The following ARIH1 variants were observed in gnomAD, a reference collection of about 807,000 sequenced individuals.
ARIH1 encodes the protein ariadne RBR E3 ubiquitin protein ligase 1.
A neutral mutation model predicts 85.0 loss-of-function variants in ARIH1; 8 were observed. The ratio of observed to expected loss-of-function variants is 0.09; its 90% CI spans 0.06 to 0.17. The LOEUF (loss-of-function observed/expected upper bound fraction) is 0.17. ARIH1 is among the 10% of genes least tolerant of loss of function. The probability of loss-of-function intolerance (pLI) is 1.00; values close to 1 mark genes in which losing one functional copy is unlikely to be tolerated. For missense variants in ARIH1, 311 were observed against 718.1 expected (o/e 0.43, Z 6.48); for synonymous variants, 238 against 253.6 (o/e 0.94, Z 0.59).
At chr15:72,513,144 T>G (rs2063957571) in intron 1 of ARIH1, among the ~76,000 whole-genome samples, 1 of 152,210 alleles carries the variant, frequency 6.6e-6, no homozygotes, top group South Asian at 2.1e-4. Flanking sequence ...TGGTTTGTTT[T>G]GAACATTTAC....
At chr15:72,527,181 T>G (rs1272686738) in intron 2 of ARIH1, among the ~76,000 whole-genome samples, 1 of 152,214 alleles carries the variant, frequency 6.6e-6, no homozygotes, top group Non-Finnish European at 1.5e-5. Flanking sequence ...CATTAAAGAT[T>G]GAGAATCTTA....
intron 1 of ARIH1, among the ~76,000 whole-genome samples, chr15:72,476,458 G>A (rs1249869685): frequency 6.6e-6 from 1 of 152,114 alleles, no homozygotes; most frequent in East Asian, 1.9e-4. Flanking sequence ...TCCGCCTGCC[G>A]GGTTCATGCA....
chr15:72,544,761 G>T, intron 2 of ARIH1, 59 bp from the exon 3 acceptor site: 4 of 1,419,966 alleles, frequency 2.8e-6, no homozygotes, highest in South Asian at 1.6e-5. Context: ...CAGGTTTTTG[G>T]AGAGCTCTAA....
Position 72,561,559 on chromosome 15 carries a change from T to A in ARIH1, c.804+10T>A. The A allele has an allele frequency of 1.3e-6, 2 of 1,484,042 alleles. No individual in the cohort carries two copies. Among genetic ancestry groups the A allele is most frequent in the East Asian group, 2.3e-5 (1 of 43,232 alleles). The allele number at this position is 1,484,042 out of a possible 1,614,324, so 91.9% of individuals were successfully genotyped here. ...AAATAGCTTTGTAGAGGTAAGTGAT[T>A]TGTTTTCCTTCTTGTAAGAAGGAAT... On this transcript the variant is annotated intron_variant, in intron 6 of 13. Coordinates refer to ENST00000379887, the MANE Select transcript of ARIH1 (RefSeq NM_005744.5).
At position 72,597,089 on chromosome 15, in the gene ARIH1, A is replaced by G. The variant is rs1464977771; in HGVS notation, c.*13797A>G. 6.6e-6 allele frequency: 1 copy of G among 150,468 alleles called. No homozygotes were observed. Among genetic ancestry groups the G allele is most frequent in the Non-Finnish European group, 1.5e-5 (1 of 67,736 alleles). 9.3% of individuals were successfully genotyped at this position (150,468 alleles called of 1,614,324 possible). ...TGCTTTTGCACGTCTTGTATATTTG[A>G]TTGGATGATGGACGTTTTATGTTGA... On this transcript the variant is annotated 3_prime_UTR_variant, in exon 14 of 14. Transcript: ENST00000379887.
chr15:72,475,635 C>T (rs1268312039), intron 1 of ARIH1, among the ~76,000 whole-genome samples: 1 of 152,148 alleles, frequency 6.6e-6, no homozygotes, highest in East Asian at 1.9e-4. Context: ...TATGTCTTTG[C>T]TGTTTGGGAC....
At chr15:72,580,298 C>T (rs1309801292) in intron 11 of ARIH1, among the ~76,000 whole-genome samples, 1 of 152,182 alleles carries the variant, frequency 6.6e-6, no homozygotes, top group African/African-American at 2.4e-5. Context: ...TGTGTGTGTA[C>T]ATACATGACG....
At chr15:72,475,242 G>A in intron 1 of ARIH1, 1 of 1,004,412 alleles carries the variant, frequency 1.0e-6, no homozygotes. Context: ...CCCAAGTCCT[G>A]CTATGGCGGA....
intron 5 of ARIH1, among the ~76,000 whole-genome samples, chr15:72,560,841 G>T (rs1453532702): frequency 6.6e-6 from 1 of 152,190 alleles, no homozygotes; most frequent in Non-Finnish European, 1.5e-5. Context: ...ACACTCAGAG[G>T]AGTATTTACC....
chr15:72,485,825 G>A (rs1348620212), intron 1 of ARIH1, among the ~76,000 whole-genome samples: 1 of 152,070 alleles, frequency 6.6e-6, no homozygotes, highest in Admixed American at 6.6e-5. Context: ...ATGTAACTTT[G>A]TATAAATAGC....
At position 72,590,223 on chromosome 15, in the gene ARIH1, A is replaced by G. The variant is rs2064337205; in HGVS notation, c.*6931A>G. The G allele has an allele frequency of 2.0e-5, 3 of 152,224 alleles. No individual in the cohort carries two copies. Among genetic ancestry groups the G allele is most frequent in the African/African-American group, 7.2e-5 (3 of 41,452 alleles). 9.4% of individuals were successfully genotyped at this position (152,224 alleles called of 1,614,324 possible). A position where few individuals can be genotyped will look rare whatever the true frequency, so the allele number is the denominator to read the frequency against. On this transcript the variant is annotated 3_prime_UTR_variant, in exon 14 of 14. Transcript: ENST00000379887. ...ATTGCCCAAGGCCACTCAACCAGTT[A>G]ATATCAGAGCCAGCTCTGCTGTTTG...
chr15:72,481,072 C>T (rs1200485990), intron 1 of ARIH1, among the ~76,000 whole-genome samples: 9 of 152,184 alleles, frequency 5.9e-5, no homozygotes, highest in Non-Finnish European at 1.3e-4. Flanking sequence ...CAAGCCTGTG[C>T]ATGATGTGTG....
chr15:72,480,281 T>TA lies in ARIH1; in HGVS notation c.375+5268dup, dbSNP rs542818362. Among the ~76,000 whole-genome samples the TA allele has an allele frequency of 2.4e-3, 354 of 149,076 alleles. 2 individuals carry two copies. The highest frequency in any genetic ancestry group is 8.3e-3 in the African/African-American group (333 of 39,980). ...CCTTCAAATTTTTTTTTTTTTTTTT[T>TA]ATACATGTCTCACTGTGTCACCCAG... On this transcript the variant is annotated intron_variant, in intron 1 of 13. Transcript: ENST00000379887.
intron 1 of ARIH1, among the ~76,000 whole-genome samples, chr15:72,482,703 T>TA (rs1426628325): frequency 6.6e-6 from 1 of 152,096 alleles, no homozygotes; most frequent in Non-Finnish European, 1.5e-5. Flanking sequence ...CTTAGTGGCT[T>TA]AAAAAAACAA....
chr15:72,510,417 C>T (rs1477905587), intron 1 of ARIH1, among the ~76,000 whole-genome samples: 1 of 151,962 alleles, frequency 6.6e-6, no homozygotes, highest in Non-Finnish European at 1.5e-5. Flanking sequence ...TGGGTCTGAT[C>T]CATTATTAAT....
intron 2 of ARIH1, among the ~76,000 whole-genome samples, chr15:72,524,860 T>C (rs2064020020): frequency 6.6e-6 from 1 of 152,152 alleles, no homozygotes. Context: ...AAAATAATGA[T>C]TGAATCAACG....
In ARIH1 at chr15:72,478,420, A is replaced by G. The variant is rs951201136; in HGVS notation, c.375+3406A>G. 2.0e-5 allele frequency among the ~76,000 whole-genome samples: 3 copies of G among 152,180 alleles called. No homozygotes were observed. The East Asian group carries it at 5.8e-4, about 29-fold the overall frequency. ...TCTTGAGCCACCGCGCCCAGCCTAA[A>G]AAGTAGTTTTCTAATGTAACTATAT... On this transcript the variant is annotated intron_variant, in intron 1 of 13. Coordinates refer to ENST00000379887, the MANE Select transcript of ARIH1 (RefSeq NM_005744.5).
intron 1 of ARIH1, 26 bp downstream of exon 1, chr15:72,475,040 G>T: frequency 2.6e-6 from 4 of 1,547,418 alleles, no homozygotes; most frequent in Non-Finnish European, 3.5e-6. Flanking sequence ...GCGCCAGCTG[G>T]ACCGGGCCCG....
intron 1 of ARIH1, among the ~76,000 whole-genome samples, chr15:72,515,152 A>G (rs901616682): frequency 6.6e-6 from 1 of 152,126 alleles, no homozygotes; most frequent in African/African-American, 2.4e-5. Context: ...CCTGACCAAC[A>G]TGGAGAAACC....
Sources: allele counts gnomAD v4.1 joint callset (sites outside exome capture counted in the v4.1 genomes callset), GRCh38; gene constraint gnomAD v4.1.1; transcripts MANE v1.5; gene names NCBI Gene and HGNC (gene_info 2026-07-23, HGNC 2026-07-21).